AKIP1: variants seen among roughly 807,000 people sequenced by gnomAD.
The protein encoded by AKIP1 is A-kinase-interacting protein 1.
In AKIP1, 18 loss-of-function variants were observed where a neutral mutation model predicts 22.3. The ratio of observed to expected loss-of-function variants is 0.81; its 90% CI spans 0.56 to 1.19. The LOEUF is 1.19. Among genes scored for constraint, AKIP1 ranks in the 50% most tolerant of loss-of-function variants. The probability of loss-of-function intolerance (pLI) is 0.00; values close to 1 mark genes in which losing one functional copy is unlikely to be tolerated. For missense variants in AKIP1, 287 were observed against 264.6 expected (o/e 1.08, Z -0.59); for synonymous variants, 120 against 102.7 (o/e 1.17, Z -1.02).
intron 5 of AKIP1, 118 bp from the exon 6 acceptor site, chr11:8,919,219 C>T: frequency 1.0e-6 from 1 of 963,254 alleles, no homozygotes. Context: ...GGACCTCTGT[C>T]TCCCACATTA....
At chr11:8,913,808 C>A (rs1387300519) in intron 3 of AKIP1, among the ~76,000 whole-genome samples, 1 of 152,166 alleles carries the variant, frequency 6.6e-6, no homozygotes. Flanking sequence ...ATATTTTTAT[C>A]TTATTTGTGT....
At position 8,919,546 on chromosome 11, in the gene AKIP1, C is replaced by A; in HGVS notation, c.*66C>A. ...GTAAGAATAAAGCCACTGTATGATT[C>A]TCTTAATAGCTATACATTAATCCTG... is the stretch of plus-strand genomic sequence containing the variant. On this transcript the variant is annotated 3_prime_UTR_variant, in exon 6 of 6. Transcript: ENST00000309377. 6.5e-7 allele frequency: 1 copy of A among 1,527,842 alleles called. No homozygotes were observed. Among genetic ancestry groups the A allele is most frequent in the Non-Finnish European group, 8.9e-7 (1 of 1,119,686 alleles). 94.6% of individuals were successfully genotyped at this position (1,527,842 alleles called of 1,614,324 possible). A position where few individuals can be genotyped will look rare whatever the true frequency, so the allele number is the denominator to read the frequency against.
rs555057623 is a variant in AKIP1 at position 8,912,466 on chromosome 11, C to A, written c.236C>A (p.Pro79His). The A allele has an allele frequency of 1.9e-6, 3 of 1,613,842 alleles. No homozygotes were observed. The highest frequency in any genetic ancestry group is 1.7e-5 in the Admixed American group (1 of 60,010). Reference sequence around the variant, plus strand: ...TTATTCAAATAGAGAGAAGAGAGACCCCCAACCCTTAGTGCTTCCTTCAGA... The same window carrying A: ...TTATTCAAATAGAGAGAAGAGAGACACCCAACCCTTAGTGCTTCCTTCAGA... ...RVLPGEREER[P>H]PTLSASFRTM... The change falls in exon 3 of 6, where the codon CCC becomes CAC. Residue 79 changes from proline to histidine, a missense_variant. Coordinates refer to ENST00000309377, the MANE Select transcript of AKIP1 (RefSeq NM_020642.4).
rs150050180 is a variant in AKIP1 at position 8,919,798 on chromosome 11, G to A, written c.*318G>A. 0.021 allele frequency: 4,513 copies of A among 212,140 alleles called. 76 individuals are homozygous for A. The highest frequency in any genetic ancestry group is 0.032 in the Non-Finnish European group (3,344 of 105,540). 13.1% of individuals were successfully genotyped at this position (212,140 alleles called of 1,614,324 possible). A position where few individuals can be genotyped will look rare whatever the true frequency, so the allele number is the denominator to read the frequency against. The stretch of plus-strand genomic sequence containing the variant: ...ACTACAGGCACCCGCCACCATGCCC[G>A]GCTATTTTTTTTGTATTTTTAGTAG... On this transcript the variant is annotated 3_prime_UTR_variant, in exon 6 of 6. Coordinates refer to ENST00000309377, the MANE Select transcript of AKIP1 (RefSeq NM_020642.4).
chr11:8,911,278 G>A (rs960634457), intron 1 of AKIP1, 55 bp downstream of exon 1: 8 of 613,450 alleles, frequency 1.3e-5, no homozygotes, highest in Middle Eastern at 8.9e-4. Context: ...AGGGGCGGGC[G>A]CGCTAGGCCT....
chr11:8,916,153 A>C (rs1053884069), intron 4 of AKIP1, among the ~76,000 whole-genome samples: 2 of 151,506 alleles, frequency 1.3e-5, no homozygotes, highest in African/African-American at 4.9e-5. Context: ...ACAGAGTTTC[A>C]CCGTGTTGGC....
chr11:8,911,320 T>A (rs1038821429), intron 1 of AKIP1, 97 bp downstream of exon 1: 5 of 834,878 alleles, frequency 6.0e-6, no homozygotes, highest in East Asian at 2.7e-5. Flanking sequence ...GGAGTGTGCG[T>A]TGGGGGCGGA....
At chr11:8,911,913 A>AT (rs2064368013) in intron 2 of AKIP1, among the ~76,000 whole-genome samples, 1 of 151,328 alleles carries the variant, frequency 6.6e-6, no homozygotes, top group African/African-American at 2.4e-5. Flanking sequence ...AAAAAAAAAA[A>AT]TTAGCCGGGC....
Position 8,919,794 on chromosome 11 carries a change from GCC to G in AKIP1, c.*316_*317del. 1 of 215,832 alleles carries G rather than the reference GCC, an allele frequency of 4.6e-6. No homozygotes were observed. The highest frequency in any genetic ancestry group is 9.2e-6 in the Non-Finnish European group (1 of 108,222). 13.4% of individuals were successfully genotyped at this position (215,832 alleles called of 1,614,324 possible). A position where few individuals can be genotyped will look rare whatever the true frequency, so the allele number is the denominator to read the frequency against. ...TGGCACTACAGGCACCCGCCACCAT[GCC>G]CGGCTATTTTTTTTGTATTTTTAGT... On this transcript the variant is annotated 3_prime_UTR_variant, in exon 6 of 6. Transcript: ENST00000309377.
chr11:8,916,250 C>T (rs1354627377), intron 4 of AKIP1, among the ~76,000 whole-genome samples: 1 of 151,904 alleles, frequency 6.6e-6, no homozygotes, highest in East Asian at 1.9e-4. Context: ...GCCACCATGC[C>T]TGGCCCCTGT....
At position 8,911,494 on chromosome 11, in the gene AKIP1, A is replaced by C; in HGVS notation, c.45A>C (p.Arg15=). The part of the protein sequence containing the change: ...LAAAALNGVD[R]RSLQRSARLA... ...CCGCAGCGCTGAATGGGGTGGACCG[A>C]CGTTCCCTGCAGCGTTCAGCAAGGC... Residue 15 remains arginine (R), a synonymous_variant, in exon 2 of 6, where the codon CGA becomes CGC. Transcript: ENST00000309377. The C allele has an allele frequency of 1.2e-6, 2 of 1,607,704 alleles. No homozygotes were observed. The highest frequency in any genetic ancestry group is 1.7e-6 in the Non-Finnish European group (2 of 1,177,374).
At chr11:8,914,280 C>T (rs1004994829) in intron 3 of AKIP1, among the ~76,000 whole-genome samples, 3 of 152,206 alleles carry the variant, frequency 2.0e-5, no homozygotes, top group Non-Finnish European at 4.4e-5. Context: ...TCCGATCTTT[C>T]GGAAGATTCT....
In AKIP1 at chr11:8,911,672, G is replaced by A. The variant is rs781650238; in HGVS notation, c.222+1G>A. On this transcript the variant is annotated splice_donor_variant, in intron 2 of 5. Transcript: ENST00000309377. LOFTEE classifies it high-confidence loss of function. ...CCCGCAGCGCGTTCTCCCGGGAGAG[G>A]TGAGGGTCGCTGTGCCGGGGGCCGC... is the stretch of plus-strand genomic sequence containing the variant. 4 of 1,531,244 alleles carry A rather than the reference G, an allele frequency of 2.6e-6. No individual in the cohort carries two copies. The highest frequency in any genetic ancestry group is 2.4e-4 in the Middle Eastern group (1 of 4,118). 94.9% of individuals were successfully genotyped at this position (1,531,244 alleles called of 1,614,324 possible).
chr11:8,916,234 G>A (rs1316356744), intron 4 of AKIP1, among the ~76,000 whole-genome samples: 1 of 152,158 alleles, frequency 6.6e-6, no homozygotes, highest in Admixed American at 6.5e-5. Flanking sequence ...GAGATTACAG[G>A]CGTGAGCCAC....
At chr11:8,914,632 G>T (rs1229034565) in intron 3 of AKIP1, among the ~76,000 whole-genome samples, 194 bp from the exon 4 acceptor site, 1 of 152,176 alleles carries the variant, frequency 6.6e-6, no homozygotes, top group Non-Finnish European at 1.5e-5. Context: ...GATGCCAAAT[G>T]CATTTCTTTC....
rs1255183990 is a variant in AKIP1, at chr11:8,911,470, C to T, written c.21C>T (p.Ala7=). The T allele has an allele frequency of 3.7e-6, 6 of 1,601,332 alleles. No individual in the cohort carries two copies. The South Asian group carries it at 4.5e-5, about 12-fold the overall frequency. MDNCLA[A]AALNGVDRRS... is the part of the protein sequence containing the mutation. ...GAGCCATGGACAACTGTTTGGCGGCCGCAGCGCTGAATGGGGTGGACCGAC... is the reference window on the plus strand; with the variant it reads ...GAGCCATGGACAACTGTTTGGCGGCTGCAGCGCTGAATGGGGTGGACCGAC... The change falls in exon 2 of 6, where the codon GCC becomes GCT. Residue 7 remains alanine (A), a synonymous_variant. Transcript: ENST00000309377.
chr11:8,918,421 C>A (rs1013618177), intron 5 of AKIP1, among the ~76,000 whole-genome samples: 4 of 152,174 alleles, frequency 2.6e-5, no homozygotes, highest in Non-Finnish European at 5.9e-5. Flanking sequence ...GGGGAAATTT[C>A]ATAAAAATGT....
At chr11:8,914,189 G>A (rs1482955712) in intron 3 of AKIP1, among the ~76,000 whole-genome samples, 2 of 152,204 alleles carry the variant, frequency 1.3e-5, no homozygotes, top group Non-Finnish European at 2.9e-5. Flanking sequence ...GGGCTGTGAT[G>A]TCATTAGTCA....
At chr11:8,917,554 T>A in intron 5 of AKIP1, 187 bp downstream of exon 5, 3 of 614,130 alleles carry the variant, frequency 4.9e-6, no homozygotes, top group Non-Finnish European at 8.9e-6. Flanking sequence ...GTATTCTTCC[T>A]TCACTCTAAG....
Sources: allele counts gnomAD v4.1 joint callset (sites outside exome capture counted in the v4.1 genomes callset), GRCh38; gene constraint gnomAD v4.1.1; transcripts MANE v1.5; gene names NCBI Gene and HGNC (gene_info 2026-07-23, HGNC 2026-07-21).